The following ACACA variants were observed in gnomAD, a reference collection of about 807,000 sequenced individuals.
ACACA encodes the protein acetyl-CoA carboxylase alpha.
A neutral mutation model predicts 296.1 loss-of-function variants in ACACA; 103 were observed. The observed-to-expected ratio is 0.35, with a 90% CI of 0.30 to 0.41. ACACA has a LOEUF of 0.41. Among genes scored for constraint, ACACA ranks in the 10% least tolerant of loss-of-function variants. ACACA has a pLI of 1.00. For missense variants in ACACA, 1,554 were observed against 2,989.7 expected, an observed-to-expected ratio of 0.52 and a Z score of 11.20; for synonymous variants, 953 against 1,038.6, an observed-to-expected ratio of 0.92 and a Z score of 1.58.
intron 5 of ACACA, among the ~76,000 whole-genome samples, chr17:37,279,510 T>C (rs1007376428): frequency 6.6e-6 from 1 of 152,032 alleles, no homozygotes; most frequent in African/African-American, 2.4e-5. Flanking sequence ...GGCACAAGCC[T>C]GTAGTCCCAC....
intron 50 of ACACA, among the ~76,000 whole-genome samples, chr17:37,117,782 TAGTAG>T (rs1349142439): frequency 7.1e-6 from 1 of 140,342 alleles, no homozygotes; most frequent in Non-Finnish European, 1.5e-5. Flanking sequence ...CTAGGCCGAC[TAGTAG>T]AGTTTTTTTT....
At chr17:37,285,232 A>G (rs749980342) in intron 3 of ACACA, among the ~76,000 whole-genome samples, 2 of 152,224 alleles carry the variant, frequency 1.3e-5, no homozygotes, top group Non-Finnish European at 2.9e-5. Flanking sequence ...CAAAGGATAA[A>G]TGGTAGAAAT....
intron 50 of ACACA, among the ~76,000 whole-genome samples, chr17:37,119,541 A>C (rs1006464633): frequency 1.7e-4 from 25 of 151,440 alleles, no homozygotes; most frequent in Non-Finnish European, 2.5e-4. Context: ...AAAGTATAAA[A>C]TGTGGTAGTT....
chr17:37,234,923 ACT>A, intron 25 of ACACA, 50 bp downstream of exon 25: 1 of 1,607,664 alleles, frequency 6.2e-7, no homozygotes, highest in Non-Finnish European at 8.5e-7. Flanking sequence ...GGAAAAAAAT[ACT>A]TTTTGCATAT....
intron 24 of ACACA, among the ~76,000 whole-genome samples, chr17:37,238,665 G>A (rs1172418138): frequency 2.0e-5 from 3 of 151,930 alleles, no homozygotes; most frequent in Admixed American, 1.3e-4. Context: ...AGGAAGAATC[G>A]GCACCTAATA....
At chr17:37,258,089 A>T (rs2081298138) in intron 13 of ACACA, 123 bp downstream of exon 13, 2 of 1,282,282 alleles carry the variant, frequency 1.6e-6, no homozygotes, top group Non-Finnish European at 2.2e-6. Context: ...ATCTGCTCTG[A>T]GAAACCTCTA....
intron 2 of ACACA, among the ~76,000 whole-genome samples, chr17:37,339,285 G>A (rs1483995390): frequency 6.6e-6 from 1 of 152,112 alleles, no homozygotes; most frequent in South Asian, 2.1e-4. Context: ...AATCCACAAG[G>A]CACAATTCTT....
rs537513088 is a variant in ACACA at position 37,297,770 on chromosome 17, C to T, written c.339-12800G>A. ...TTCACCATGTTGGCCAGGCTGGTCT[C>T]GTACTCGTGACCTCAGGTGATCCAC... On this transcript the variant is annotated intron_variant, in intron 3 of 55. Transcript: ENST00000616317. 2.4e-4 allele frequency among the ~76,000 whole-genome samples: 37 copies of T among 151,994 alleles called. 1 individual carries two copies. Among genetic ancestry groups the T allele is most frequent in the African/African-American group, 8.4e-4 (35 of 41,476 alleles).
rs72828246 is a variant in ACACA, at chr17:37,406,385, G to C, written c.-86C>G. 2 of 1,463,520 alleles carry C rather than the reference G, an allele frequency of 1.4e-6. No homozygotes were observed. The highest frequency in any genetic ancestry group is 1.9e-6 in the Non-Finnish European group (2 of 1,044,120). The allele number at this position is 1,463,520 out of a possible 1,614,324, so 90.7% of individuals were successfully genotyped here. On this transcript the variant is annotated 5_prime_UTR_variant, in exon 1 of 56. Coordinates refer to ENST00000616317, the MANE Select transcript of ACACA (RefSeq NM_198834.3). ...AAAGAAGACAATTTCGACGTTCCAG[G>C]AGCATCTGATTGAAACGCACCCTCT...
At chr17:37,404,636 A>G (rs1228986394) in intron 1 of ACACA, among the ~76,000 whole-genome samples, 1 of 138,852 alleles carries the variant, frequency 7.2e-6, no homozygotes, top group Non-Finnish European at 1.5e-5. Context: ...GTGTAGTGGC[A>G]CAATCTTGGC....
intron 24 of ACACA, 96 bp downstream of exon 24, chr17:37,240,380 G>C (rs922889426): frequency 1.5e-5 from 15 of 1,020,262 alleles, no homozygotes; most frequent in Non-Finnish European, 2.1e-5. Flanking sequence ...GTTGACAGGA[G>C]GGGGCTTAGC....
intron 18 of ACACA, among the ~76,000 whole-genome samples, chr17:37,247,569 A>T (rs975232659): frequency 2.0e-5 from 3 of 151,994 alleles, no homozygotes; most frequent in Non-Finnish European, 4.4e-5. Context: ...GTTTCACCAC[A>T]TTGGCCACAC....
At chr17:37,228,303 T>C (rs1376630563) in intron 25 of ACACA, among the ~76,000 whole-genome samples, 1 of 144,060 alleles carries the variant, frequency 6.9e-6, no homozygotes, top group East Asian at 2.2e-4. Context: ...TCCAGAGTCA[T>C]AAAACATATG....
At chr17:37,188,003 A>C (rs1200924343) in intron 39 of ACACA, among the ~76,000 whole-genome samples, 1 of 152,248 alleles carries the variant, frequency 6.6e-6, no homozygotes, top group East Asian at 1.9e-4. Flanking sequence ...AAATTGCAGA[A>C]TAACCTCTGG....
intron 25 of ACACA, among the ~76,000 whole-genome samples, chr17:37,230,539 C>A (rs940284569): frequency 2.0e-5 from 3 of 152,164 alleles, no homozygotes; most frequent in Non-Finnish European, 4.4e-5. Context: ...ATCATTAATA[C>A]TTAGAAAAAA....
chr17:37,159,985 A>G (rs897827592), intron 42 of ACACA, among the ~76,000 whole-genome samples: 1 of 152,238 alleles, frequency 6.6e-6, no homozygotes, highest in African/African-American at 2.4e-5. Context: ...GAAGACTGAG[A>G]ATTCACCATA....
rs1190198943 is a variant in ACACA, at chr17:37,250,341, TTAAAGA to T, written c.2081+1658_2081+1663del. Among the ~76,000 whole-genome samples, 9 of 152,304 alleles carry T rather than the reference TTAAAGA, an allele frequency of 5.9e-5. No homozygotes were observed. The East Asian group carries it at 7.7e-4, about 13-fold the overall frequency. The stretch of plus-strand genomic sequence containing the variant: ...AACCACATGAATGTGTTAACTGTTC[TTAAAGA>T]TAAAGATTAAGGTTGGGCGCAGTGG... On this transcript the variant is annotated intron_variant, in intron 16 of 55. Transcript: ENST00000616317.
chr17:37,362,046 TGTC>T (rs1295713925), intron 1 of ACACA, among the ~76,000 whole-genome samples: 1 of 152,198 alleles, frequency 6.6e-6, no homozygotes, highest in Non-Finnish European at 1.5e-5. Context: ...CCAGTATGAC[TGTC>T]GTCCTTATAA....
intron 3 of ACACA, chr17:37,328,885 C>T (rs1029217710): frequency 1.5e-5 from 6 of 398,362 alleles, no homozygotes; most frequent in Admixed American, 8.8e-5. Flanking sequence ...TCAAATGAAT[C>T]GAAATCTCTG....
Sources: gnomAD v4.1 joint callset for allele counts (sites outside exome capture counted in the v4.1 genomes callset) on GRCh38, gnomAD v4.1.1 for gene constraint, MANE v1.5 for transcripts, NCBI Gene and HGNC (gene_info 2026-07-23, HGNC 2026-07-21) for gene names.